The following PHIP variants were observed in gnomAD, a reference collection of about 807,000 sequenced individuals.
PHIP encodes PHIP subunit of CUL4-Ring ligase complex.
Under a neutral mutation model 236.8 loss-of-function variants are expected in PHIP, and 54 were observed. That is an observed-to-expected ratio of 0.23 (90% CI 0.18 to 0.29). The LOEUF (loss-of-function observed/expected upper bound fraction) is 0.29. Among genes scored for constraint, PHIP ranks in the 10% least tolerant of loss-of-function variants. The pLI is 1.00. For synonymous variants in PHIP, 756 were observed against 718.9 expected, an observed-to-expected ratio of 1.05 and a Z score of -0.83; for missense variants, 1,370 against 2,190.8, an observed-to-expected ratio of 0.63 and a Z score of 7.48.
chr6:79,066,498 A>G (rs994140000), intron 4 of PHIP, among the ~76,000 whole-genome samples: 2 of 152,190 alleles, frequency 1.3e-5, no homozygotes, highest in Non-Finnish European at 2.9e-5. Flanking sequence ...CTATCACACA[A>G]ATGACCTATT....
intron 28 of PHIP, 42 bp from the exon 29 acceptor site, chr6:78,965,806 T>C (rs538733186): frequency 1.9e-5 from 24 of 1,236,638 alleles, no homozygotes; most frequent in Non-Finnish European, 2.7e-5. Context: ...ATCTAAATTA[T>C]TGTATCACAA....
At chr6:78,956,985 T>C (rs1766460800) in intron 32 of PHIP, 1 of 152,048 alleles carries the variant, frequency 6.6e-6, no homozygotes. Flanking sequence ...AAAAGTATAA[T>C]AATCAAAATT....
chr6:78,979,814 TATAAA>T (rs1768389843), intron 23 of PHIP, among the ~76,000 whole-genome samples: 1 of 152,070 alleles, frequency 6.6e-6, no homozygotes, highest in Admixed American at 6.6e-5. Context: ...TAATTATCAG[TATAAA>T]ATAATACTTG....
chr6:79,000,670 T>A (rs2127730715), intron 17 of PHIP, among the ~76,000 whole-genome samples: 1 of 152,202 alleles, frequency 6.6e-6, no homozygotes, highest in Middle Eastern at 3.4e-3. Flanking sequence ...TGAAGACATT[T>A]CTCTTAATTT....
At chr6:78,957,144 T>C (rs2127693439) in intron 32 of PHIP, 1 of 152,094 alleles carries the variant, frequency 6.6e-6, no homozygotes, top group East Asian at 1.9e-4. Context: ...TTCAAAGACA[T>C]TTCAAAGTAG....
rs1280573518 is a variant in PHIP at position 78,983,017 on chromosome 6, T to C, written c.2638A>G (p.Ser880Gly). 1 of 1,610,918 alleles carries C rather than the reference T, an allele frequency of 6.2e-7. No homozygotes were observed. Among genetic ancestry groups the C allele is most frequent in the Non-Finnish European group, 8.5e-7 (1 of 1,177,984 alleles). The change falls in exon 23 of 40, where the codon AGT (serine) becomes GGT (glycine). Residue 880 changes from serine (S) to glycine (G), a missense_variant. By Grantham distance (56) the Ser-to-Gly change is moderately conservative (BLOSUM62 0). Around this residue, in one of 14 missense-constraint regions of PHIP, gnomAD observed 76 missense variants for 76.4 expected, o/e 0.99. Coordinates refer to ENST00000275034, the MANE Select transcript of PHIP (RefSeq NM_017934.7). The part of the protein sequence containing the change: ...PKNKTKKAES[S>G]SDEEEESEKQ... ...TCAGATTCTTCTTCTTCATCTGAAC[T>C]GCTTTCTGCTTTCTTGGTTTTATTC... is the stretch of plus-strand genomic sequence containing the variant.
intron 9 of PHIP, among the ~76,000 whole-genome samples, chr6:79,025,272 A>G (rs969238381): frequency 1.3e-5 from 2 of 151,434 alleles, no homozygotes; most frequent in Non-Finnish European, 2.9e-5. Flanking sequence ...AAACAGGTAA[A>G]TGCTGAAGGA....
intron 17 of PHIP, among the ~76,000 whole-genome samples, chr6:79,001,514 C>G (rs1379440510): frequency 6.6e-6 from 1 of 152,054 alleles, no homozygotes; most frequent in East Asian, 1.9e-4. Context: ...AATCTACTAA[C>G]CCATTCCATG....
At chr6:79,054,152 C>A (rs551712704) in intron 6 of PHIP, among the ~76,000 whole-genome samples, 2 of 149,656 alleles carry the variant, frequency 1.3e-5, no homozygotes, top group East Asian at 2.0e-4. Flanking sequence ...GCAAGTCTCT[C>A]ACAGCTAACC....
chr6:79,043,570 T>C (rs1582274344), intron 6 of PHIP, among the ~76,000 whole-genome samples: 2 of 152,098 alleles, frequency 1.3e-5, no homozygotes, highest in East Asian at 3.9e-4. Context: ...AATGATTCCT[T>C]CTCTGGAATC....
At position 78,934,718 on chromosome 6, in the gene PHIP, C is replaced by T. The variant is rs1263167191; in HGVS notation, c.*5975G>A. Among the ~76,000 whole-genome samples, 1 of 152,138 alleles carries T rather than the reference C, an allele frequency of 6.6e-6. No homozygotes were observed. The highest frequency in any genetic ancestry group is 2.4e-5 in the African/African-American group (1 of 41,418). On this transcript the variant is annotated 3_prime_UTR_variant, in exon 40 of 40. Transcript: ENST00000275034. ...TGGCTATTTGAACAGAATTAGACCTCACAGATAATTTAATCAACCTTTAAA... is the reference window on the plus strand; with the variant it reads ...TGGCTATTTGAACAGAATTAGACCTTACAGATAATTTAATCAACCTTTAAA...
rs1771370370 is a variant in PHIP at position 79,025,759 on chromosome 6, C to A, written c.823-140G>T. 2.3e-5 allele frequency: 16 copies of A among 703,650 alleles called. No homozygotes were observed. The South Asian group carries it at 2.7e-4, about 12-fold the overall frequency. 43.6% of individuals were successfully genotyped at this position (703,650 alleles called of 1,614,324 possible). On this transcript the variant is annotated intron_variant, in intron 8 of 39. Transcript: ENST00000275034. ...TTACCAAGGTTATGTTATTTAAAGT[C>A]CATATATTTATAAAGAAAGCAGACA...
intron 24 of PHIP, among the ~76,000 whole-genome samples, chr6:78,972,980 CA>C (rs36146106): frequency 0.26 from 39,944 of 151,966 alleles, 5,588 homozygotes; most frequent in Non-Finnish European, 0.31. Context: ...AGAATTTCCC[CA>C]ATCTAGCAAG....
At chr6:79,023,957 A>G (rs1446667017) in intron 9 of PHIP, among the ~76,000 whole-genome samples, 1 of 152,244 alleles carries the variant, frequency 6.6e-6, no homozygotes, top group African/African-American at 2.4e-5. Context: ...GTTAAAAAAC[A>G]GTAGCAACAA....
intron 16 of PHIP, among the ~76,000 whole-genome samples, chr6:79,002,641 T>C (rs555461877): frequency 1.3e-5 from 2 of 152,216 alleles, no homozygotes; most frequent in African/African-American, 2.4e-5. Context: ...GTTTTAGACA[T>C]CCATTTGGAG....
At chr6:79,009,325 C>CCT (rs1770455042) in intron 15 of PHIP, among the ~76,000 whole-genome samples, 1 of 151,908 alleles carries the variant, frequency 6.6e-6, no homozygotes, top group South Asian at 2.1e-4. Context: ...TTATAATGTT[C>CCT]CTCTTGTTTA....
At chr6:79,036,060 C>T (rs547357448) in intron 7 of PHIP, among the ~76,000 whole-genome samples, 2 of 152,168 alleles carry the variant, frequency 1.3e-5, no homozygotes, top group South Asian at 2.1e-4. Flanking sequence ...CACAACACTA[C>T]GAATTCATGA....
intron 9 of PHIP, among the ~76,000 whole-genome samples, chr6:79,023,201 CCT>C (rs1279986332): frequency 6.6e-6 from 1 of 152,160 alleles, no homozygotes; most frequent in African/African-American, 2.4e-5. Context: ...ACCTCAGACC[CCT>C]GAGTAGCTGG....
chr6:78,972,961 T>C lies in PHIP; in HGVS notation c.2890-2073A>G, dbSNP rs577253157. ...CCAAGTTGGAAAACACTGCAGGATA[T>C]TATCCACGAGAATTTCCCCAATCTA... is the stretch of plus-strand genomic sequence containing the variant. On this transcript the variant is annotated intron_variant, in intron 24 of 39. Transcript: ENST00000275034. Among the ~76,000 whole-genome samples the C allele has an allele frequency of 6.9e-5, 10 of 145,976 alleles. No individual in the cohort carries two copies. In the East Asian group the frequency reaches 1.6e-3, roughly 23 times the overall value.
Sources: gnomAD v4.1 joint callset for allele counts (sites outside exome capture counted in the v4.1 genomes callset) on GRCh38, gnomAD v4.1.1 for gene constraint, gnomAD v4.1.1 regional missense constraint, MANE v1.5 for transcripts, NCBI Gene and HGNC (gene_info 2026-07-23, HGNC 2026-07-21) for gene names.